Variants in PRTG observed in about 807,000 individuals in gnomAD.
PRTG encodes immunoglobulin superfamily, DCC subclass, member 5.
In PRTG, 67 loss-of-function variants were observed where a neutral mutation model predicts 122.5. The observed-to-expected ratio is 0.55, with a 90% confidence interval of 0.45 to 0.67. The LOEUF (loss-of-function observed/expected upper bound fraction) is 0.67. Ranked by LOEUF, PRTG falls within the 30% of genes least tolerant of loss-of-function variation. PRTG has a pLI of 0.00. For missense variants in PRTG, 1,435 were observed against 1,415.4 expected (o/e 1.01, Z -0.22); for synonymous variants, 554 against 501.1 (o/e 1.11, Z -1.41).
chr15:55,630,853 T>G (rs1171750434), intron 15 of PRTG, among the ~76,000 whole-genome samples: 4 of 152,214 alleles, frequency 2.6e-5, no homozygotes, highest in Admixed American at 2.0e-4. Flanking sequence ...TGATTTCATC[T>G]CATTTTTTCC....
intron 8 of PRTG, 142 bp downstream of exon 8, chr15:55,677,655 G>C (rs563712252): frequency 1.5e-6 from 1 of 681,012 alleles, no homozygotes; most frequent in South Asian, 2.0e-5. Context: ...AGATACATAG[G>C]TGATAGATTA....
chr15:55,731,295 T>G (rs1355398258), intron 2 of PRTG, among the ~76,000 whole-genome samples: 1 of 151,594 alleles, frequency 6.6e-6, no homozygotes, highest in African/African-American at 2.4e-5. Flanking sequence ...TTAAATCCCA[T>G]CAGGGGACGC....
intron 9 of PRTG, among the ~76,000 whole-genome samples, chr15:55,674,928 G>C (rs553928480): frequency 1.3e-5 from 2 of 151,934 alleles, no homozygotes; most frequent in Non-Finnish European, 2.9e-5. Context: ...AGTTCTCTCG[G>C]GCTATCTTAA....
At chr15:55,741,150 C>A (rs1458883148) in intron 1 of PRTG, among the ~76,000 whole-genome samples, 1 of 152,248 alleles carries the variant, frequency 6.6e-6, no homozygotes, top group African/African-American at 2.4e-5. Flanking sequence ...GTGGCACCTA[C>A]TCCTTTGGGA....
intron 18 of PRTG, among the ~76,000 whole-genome samples, chr15:55,623,920 T>C (rs2059180276): frequency 6.6e-6 from 1 of 152,146 alleles, no homozygotes; most frequent in Non-Finnish European, 1.5e-5. Context: ...GATGTTCTGA[T>C]AAGCAATTAA....
At chr15:55,721,839 AAACCATCAGATCTCCTGAG>A (rs2030837607) in intron 2 of PRTG, among the ~76,000 whole-genome samples, 2 of 152,296 alleles carry the variant, frequency 1.3e-5, no homozygotes, top group South Asian at 2.1e-4. Flanking sequence ...AGCCCTTATA[AAACCATCAGATCTCCTGAG>A]AACTTACTCA....
intron 15 of PRTG, among the ~76,000 whole-genome samples, chr15:55,636,484 T>A (rs2059258395): frequency 6.6e-6 from 1 of 151,892 alleles, no homozygotes; most frequent in Non-Finnish European, 1.5e-5. Context: ...GCTATCAAGT[T>A]CTATCAATTT....
chr15:55,658,231 C>G (rs2059390800), intron 11 of PRTG, among the ~76,000 whole-genome samples: 1 of 152,140 alleles, frequency 6.6e-6, no homozygotes, highest in Non-Finnish European at 1.5e-5. Flanking sequence ...TAGGATTTCT[C>G]CAGCTTTTCC....
chr15:55,624,712 G>A (rs553617993), intron 17 of PRTG, among the ~76,000 whole-genome samples: 29 of 152,050 alleles, frequency 1.9e-4, no homozygotes, highest in African/African-American at 6.5e-4. Context: ...TTTTTGCCTC[G>A]CTGTCTACTT....
At chr15:55,675,052 T>C (rs1283010725) in intron 9 of PRTG, among the ~76,000 whole-genome samples, 1 of 152,096 alleles carries the variant, frequency 6.6e-6, no homozygotes, top group East Asian at 1.9e-4. Context: ...CAAGTAATAT[T>C]TTCCCCCTTA....
chr15:55,693,721 T>C (rs2059617520), intron 2 of PRTG, among the ~76,000 whole-genome samples: 1 of 152,176 alleles, frequency 6.6e-6, no homozygotes, highest in Non-Finnish European at 1.5e-5. Flanking sequence ...AAAAATACTT[T>C]CTAAGCACAT....
Position 55,637,248 on chromosome 15 carries a change from C to T in PRTG, c.2545G>A (p.Val849Ile). The change falls in exon 15 of 20, where the codon GTT becomes ATT. Residue 849 changes from valine to isoleucine, a missense_variant. By Grantham distance (29) the Val-to-Ile change is conservative. Coordinates refer to ENST00000389286, the MANE Select transcript of PRTG (RefSeq NM_173814.6). ...TATAAGATAGTATAGCGGGTCACAA[C>T]TGTTTCTGGGCCATCAGGGGGTTTC... ...SWKPPDGPET[V>I]VTRYTILYAS... is the part of the protein sequence containing the mutation. 1 of 1,614,080 alleles carries T rather than the reference C, an allele frequency of 6.2e-7. No individual in the cohort carries two copies. The highest frequency in any genetic ancestry group is 1.6e-4 in the Middle Eastern group (1 of 6,062).
chr15:55,656,289 G>T, intron 11 of PRTG: 2 of 447,910 alleles, frequency 4.5e-6, no homozygotes, highest in Admixed American at 2.4e-5. Context: ...GGCATTTCCA[G>T]TTGAGCTGTT....
intron 19 of PRTG, 42 bp downstream of exon 19, chr15:55,620,621 T>C (rs1400102107): frequency 4.5e-6 from 7 of 1,553,902 alleles, no homozygotes; most frequent in Non-Finnish European, 6.1e-6. Flanking sequence ...TCATTTCATA[T>C]ATCACGCATT....
chr15:55,724,468 A>C (rs555628423), intron 2 of PRTG, among the ~76,000 whole-genome samples: 2 of 152,260 alleles, frequency 1.3e-5, no homozygotes, highest in Admixed American at 1.3e-4. Flanking sequence ...AGTATGAAAA[A>C]GGCTGGGTGC....
intron 2 of PRTG, among the ~76,000 whole-genome samples, chr15:55,722,114 T>A (rs1441957026): frequency 2.6e-5 from 4 of 152,204 alleles, no homozygotes; most frequent in African/African-American, 9.7e-5. Context: ...GAAGTCAATG[T>A]GGCAAAAAGT....
intron 18 of PRTG, among the ~76,000 whole-genome samples, chr15:55,623,520 C>T (rs1410235649): frequency 5.9e-5 from 9 of 151,818 alleles, no homozygotes; most frequent in Middle Eastern, 3.4e-3. Context: ...GAGCCGAGAT[C>T]GTACCACTGC....
In PRTG at chr15:55,613,182, T is replaced by C. The variant is rs2059128334; in HGVS notation, c.*6830A>G. On this transcript the variant is annotated 3_prime_UTR_variant, in exon 20 of 20. Transcript: ENST00000389286. ...AAAATTGTCAAGATTAGAACTTAGG[T>C]GCTCCAAAGCCTAACTTATACTTGT... The C allele has an allele frequency of 2.0e-5, 3 of 152,198 alleles. No homozygotes were observed. The highest frequency in any genetic ancestry group is 4.4e-5 in the Non-Finnish European group (3 of 67,946). 9.4% of individuals were successfully genotyped at this position (152,198 alleles called of 1,614,324 possible).
Position 55,639,600 on chromosome 15 carries a change from T to C in PRTG, c.2324+42A>G, listed in dbSNP as rs200312816. The C allele has an allele frequency of 5.3e-5, 82 of 1,556,122 alleles. No homozygotes were observed. The African/African-American group carries it at 9.7e-4, about 18-fold the overall frequency. On this transcript the variant is annotated intron_variant, in intron 13 of 19. Coordinates refer to ENST00000389286, the MANE Select transcript of PRTG (RefSeq NM_173814.6). ...GGTAGAAGTTGGAGTGGGGGTGTGG[T>C]GAGGTAAGCAAAGAAAATAACCATT...
Sources: allele counts gnomAD v4.1 joint callset (sites outside exome capture counted in the v4.1 genomes callset), GRCh38; gene constraint gnomAD v4.1.1; transcripts MANE v1.5; gene names NCBI Gene and HGNC (gene_info 2026-07-23, HGNC 2026-07-21).